The following PLEKHA6 variants were observed in gnomAD, a reference collection of about 807,000 sequenced individuals.
PLEKHA6 encodes the protein pleckstrin homology domain-containing family A member 6.
PLEKHA6 carries 60 observed loss-of-function variants against 116.7 expected under a neutral mutation model. That is an observed-to-expected ratio of 0.51 (90% confidence interval 0.42 to 0.64). The LOEUF (loss-of-function observed/expected upper bound fraction) is 0.64, where lower values mean the gene tolerates loss of function less well. Among genes scored for constraint, PLEKHA6 ranks in the 30% least tolerant of loss-of-function variants. The pLI is 0.00. For synonymous variants in PLEKHA6, 489 were observed against 556.1 expected, an observed-to-expected ratio of 0.88 and a Z score of 1.70; for missense variants, 1,338 against 1,422.7, an observed-to-expected ratio of 0.94 and a Z score of 0.96.
chr1:204,283,700 T>C (rs1189815465), intron 1 of PLEKHA6, among the ~76,000 whole-genome samples: 6 of 152,318 alleles, frequency 3.9e-5, no homozygotes, highest in Admixed American at 3.9e-4. Context: ...TGCCAGCTTT[T>C]CAAGGTCTGC....
chr1:204,332,801 C>T (rs986233386), intron 1 of PLEKHA6, among the ~76,000 whole-genome samples: 13 of 152,336 alleles, frequency 8.5e-5, no homozygotes, highest in African/African-American at 2.9e-4. Context: ...GGCTCTGCCC[C>T]TTGCTGGCTG....
chr1:204,313,196 A>G (rs1671728935), intron 1 of PLEKHA6, among the ~76,000 whole-genome samples: 1 of 151,638 alleles, frequency 6.6e-6, no homozygotes, highest in South Asian at 2.1e-4. Flanking sequence ...TGGAATTACA[A>G]GTGGGACCAA....
At chr1:204,268,548 AT>A (rs1222617460) in intron 3 of PLEKHA6, among the ~76,000 whole-genome samples, 2 of 151,716 alleles carry the variant, frequency 1.3e-5, no homozygotes, top group African/African-American at 4.8e-5. Context: ...GTTCCAAAAA[AT>A]AAAATAATAG....
chr1:204,294,504 G>A (rs1670076727), intron 1 of PLEKHA6, among the ~76,000 whole-genome samples: 1 of 152,230 alleles, frequency 6.6e-6, no homozygotes, highest in African/African-American at 2.4e-5. Flanking sequence ...TGGGATTAGA[G>A]CCCAGGACAC....
chr1:204,253,914 T>C (rs1664923844), intron 9 of PLEKHA6, among the ~76,000 whole-genome samples: 2 of 151,770 alleles, frequency 1.3e-5, no homozygotes, highest in African/African-American at 4.8e-5. Context: ...GGGAGTCTTC[T>C]GGAAGGCTAG....
In PLEKHA6 at chr1:204,257,505, G is replaced by T; in HGVS notation, c.1372C>A (p.Arg458Ser). ...SLQPRSHSVP[R>S]SPSQGSYSRA... ...CTGTAGGAGCCCTGGCTGGGTGAGC[G>T]GGGCACAGAGTGGGAGCGGGGCTGC... Residue 458 changes from arginine to serine, a missense_variant, in exon 9 of 23, where the codon CGC (arginine) becomes AGC (serine). Arg to Ser is a moderately radical substitution (Grantham distance 110, BLOSUM62 -1). Transcript: ENST00000272203. The surrounding 1 kb of genome is among the most constrained non-coding windows in gnomAD (Gnocchi z 6.5). The T allele has an allele frequency of 6.3e-7, 1 of 1,586,566 alleles. No homozygotes were observed. The highest frequency in any genetic ancestry group is 2.3e-5 in the East Asian group (1 of 43,836).
At chr1:204,297,614 A>AG (rs34256523) in intron 1 of PLEKHA6, among the ~76,000 whole-genome samples, 57,446 of 151,232 alleles carry the variant, frequency 0.38, 11,331 homozygotes, top group Middle Eastern at 0.46. Flanking sequence ...CATCGGCAAC[A>AG]GGGGGGGTGG....
In PLEKHA6 at chr1:204,228,154, T is replaced by C; in HGVS notation, c.2960A>G (p.Glu987Gly). The change falls in exon 21 of 23, where the codon GAG (glutamate) becomes GGG (glycine). Residue 987 changes from glutamate (E) to glycine (G), a missense_variant. By Grantham distance (98) the Glu-to-Gly change is moderately conservative. This residue lies in a region of PLEKHA6 where 1,136 missense variants were observed against 1,163.6 expected (regional missense o/e 0.98). Transcript: ENST00000272203. This position sits in a 1 kb window ranked among gnomAD's most constrained non-coding sequence, Gnocchi z 4.0. ...VPQDSESQLQ[E>G]QEKRIEISCA... ...GGAGATTTCAATCCGCTTCTCCTGC[T>C]CCTGCAGCTGGCTCTCTGAGTCCTG... is the stretch of plus-strand genomic sequence containing the variant. 1 of 1,613,476 alleles carries C rather than the reference T, an allele frequency of 6.2e-7. No homozygotes were observed. The highest frequency in any genetic ancestry group is 8.5e-7 in the Non-Finnish European group (1 of 1,179,602).
At chr1:204,364,549 G>A (rs1352142445), upstream of PLEKHA6, among the ~76,000 whole-genome samples, 1 of 152,208 alleles carries the variant, frequency 6.6e-6, no homozygotes, top group East Asian at 1.9e-4. Context: ...ATGAGATAAT[G>A]TCATAAAGCA....
chr1:204,288,716 C>T (rs916697489), intron 1 of PLEKHA6, among the ~76,000 whole-genome samples: 2 of 152,122 alleles, frequency 1.3e-5, no homozygotes, highest in Admixed American at 1.3e-4. Context: ...CAATTTGAGC[C>T]TGGCTGTTCA....
chr1:204,277,776 C>A lies in PLEKHA6; in HGVS notation c.-94-2967G>T, dbSNP rs562925178. On this transcript the variant is annotated intron_variant, in intron 1 of 22. Coordinates refer to ENST00000272203, the MANE Select transcript of PLEKHA6 (RefSeq NM_014935.5). The surrounding 1 kb of genome is among the most constrained non-coding windows in gnomAD (Gnocchi z 4.1). Reference sequence around the variant, plus strand: ...GAGCATAATGAATGAAGGTCCTCTGCCCCTGTCCCTCCGACTTGCTCCCCT... The same window carrying A: ...GAGCATAATGAATGAAGGTCCTCTGACCCTGTCCCTCCGACTTGCTCCCCT... 6.6e-6 allele frequency: 1 copy of A among 152,410 alleles called. No individual in the cohort carries two copies. Among genetic ancestry groups the A allele is most frequent in the South Asian group, 2.1e-4 (1 of 4,832 alleles). 9.4% of individuals were successfully genotyped at this position (152,410 alleles called of 1,614,324 possible).
At chr1:204,224,934 C>A (rs1279088549) in intron 21 of PLEKHA6, among the ~76,000 whole-genome samples, 3 of 152,180 alleles carry the variant, frequency 2.0e-5, no homozygotes, top group Non-Finnish European at 2.9e-5. Flanking sequence ...AGGTTATAGC[C>A]CACAGGACAT....
intron 1 of PLEKHA6, among the ~76,000 whole-genome samples, chr1:204,355,529 T>C (rs1673388266): frequency 6.6e-6 from 1 of 152,164 alleles, no homozygotes; most frequent in African/African-American, 2.4e-5. Flanking sequence ...AACCTCCGCC[T>C]CCTGGGTTCA....
At chr1:204,327,853 A>G (rs1672296727) in intron 1 of PLEKHA6, among the ~76,000 whole-genome samples, 2 of 152,248 alleles carry the variant, frequency 1.3e-5, no homozygotes, top group Admixed American at 6.5e-5. Flanking sequence ...AGGACAGGGC[A>G]GGTATCAGAG....
chr1:204,298,789 A>G (rs1219315837), intron 1 of PLEKHA6, among the ~76,000 whole-genome samples: 2 of 152,226 alleles, frequency 1.3e-5, no homozygotes, highest in Admixed American at 1.3e-4. Context: ...ACCTGATCTC[A>G]GCTCAGCCAA....
intron 1 of PLEKHA6, among the ~76,000 whole-genome samples, chr1:204,307,041 T>G (rs1267849607): frequency 6.6e-6 from 1 of 152,132 alleles, no homozygotes; most frequent in Admixed American, 6.5e-5. Context: ...AGATGAACAT[T>G]TATGCAATAT....
chr1:204,286,871 C>A (rs551145177), intron 1 of PLEKHA6, among the ~76,000 whole-genome samples: 1 of 152,304 alleles, frequency 6.6e-6, no homozygotes, highest in East Asian at 1.9e-4. Flanking sequence ...GCCTCAAATG[C>A]CCAGAAACTT....
rs984928933 is a variant in PLEKHA6, at chr1:204,277,210, C to G, written c.-94-2401G>C. ...CCTCCTGGCTCTGGCTCTGGAGAAC[C>G]AGGAGGGCACTCTCCTTGGGTGGTG... is the stretch of plus-strand genomic sequence containing the variant. On this transcript the variant is annotated intron_variant, in intron 1 of 22. Transcript: ENST00000272203. This position sits in a 1 kb window ranked among gnomAD's most constrained non-coding sequence, Gnocchi z 4.1. The G allele has an allele frequency of 3.3e-5, 5 of 152,626 alleles. No individual in the cohort carries two copies. In the East Asian group the frequency reaches 9.7e-4, roughly 30 times the overall value. The allele number at this position is 152,626 out of a possible 1,614,324, so 9.5% of individuals were successfully genotyped here.
chr1:204,352,695 T>G (rs373342963), intron 1 of PLEKHA6, among the ~76,000 whole-genome samples: 68 of 152,226 alleles, frequency 4.5e-4, no homozygotes, highest in African/African-American at 1.6e-3. Flanking sequence ...GTTTAAAAAT[T>G]TTTTTTTGAC....
Sources: allele counts gnomAD v4.1 joint callset (sites outside exome capture counted in the v4.1 genomes callset), GRCh38; gene constraint gnomAD v4.1.1; regional missense constraint gnomAD v4.1.1; non-coding constraint Gnocchi (gnomAD v3.1); transcripts MANE v1.5; gene names NCBI Gene and HGNC (gene_info 2026-07-23, HGNC 2026-07-21).